ROBO2: variants seen among roughly 807,000 people sequenced by gnomAD.
ROBO2 encodes the protein roundabout homolog 2.
In ROBO2, 53 loss-of-function variants were observed where a neutral mutation model predicts 160.8. The observed-to-expected ratio is 0.33, with a 90% CI of 0.26 to 0.41. The LOEUF is 0.41. ROBO2 is among the 10% of genes least tolerant of loss of function. The pLI, the probability that ROBO2 is intolerant of heterozygous loss-of-function variation, is 1.00. For missense variants in ROBO2, 1,577 were observed against 1,722.4 expected, an observed-to-expected ratio of 0.92 and a Z score of 1.49; for synonymous variants, 664 against 611.7, an observed-to-expected ratio of 1.09 and a Z score of -1.26.
intron 2 of ROBO2, among the ~76,000 whole-genome samples, chr3:76,101,642 C>T (rs1365943526): frequency 1.3e-5 from 2 of 151,928 alleles, no homozygotes; most frequent in Non-Finnish European, 2.9e-5. Flanking sequence ...TGGTGTGCTG[C>T]ACCCATTAAC....
intron 2 of ROBO2, among the ~76,000 whole-genome samples, chr3:76,163,281 C>G (rs2106935096): frequency 6.6e-6 from 1 of 151,862 alleles, no homozygotes; most frequent in East Asian, 1.9e-4. Context: ...ATACTAACTA[C>G]TTGTTCCAAA....
At chr3:76,282,784 G>A (rs548406535) in intron 2 of ROBO2, among the ~76,000 whole-genome samples, 1 of 151,902 alleles carries the variant, frequency 6.6e-6, no homozygotes, top group South Asian at 2.1e-4. Flanking sequence ...CAATCACACT[G>A]CAGATTATTT....
At chr3:77,343,599 T>C (rs2067304956) in intron 2 of ROBO2, among the ~76,000 whole-genome samples, 1 of 152,156 alleles carries the variant, frequency 6.6e-6, no homozygotes, top group South Asian at 2.1e-4. Context: ...GACAACATTG[T>C]ACCCTTTAGG....
intron 1 of ROBO2, among the ~76,000 whole-genome samples, chr3:75,915,795 T>C (rs1239720952): frequency 2.6e-5 from 4 of 152,182 alleles, no homozygotes; most frequent in Non-Finnish European, 5.9e-5. Context: ...AAGGCACCTT[T>C]TGCTACCTCT....
chr3:77,395,326 G>A (rs1030663452), intron 2 of ROBO2, among the ~76,000 whole-genome samples: 1 of 152,146 alleles, frequency 6.6e-6, no homozygotes, highest in Non-Finnish European at 1.5e-5. Flanking sequence ...TCCCGGAGGG[G>A]TGGGGGAACA....
intron 2 of ROBO2, among the ~76,000 whole-genome samples, chr3:76,211,980 C>T (rs1479924043): frequency 6.6e-6 from 1 of 151,644 alleles, no homozygotes. Context: ...AATTTCATAC[C>T]TGATAGATTT....
intron 2 of ROBO2, among the ~76,000 whole-genome samples, chr3:76,820,634 A>G (rs2066042689): frequency 6.6e-6 from 1 of 152,130 alleles, no homozygotes; most frequent in East Asian, 1.9e-4. Flanking sequence ...GAATGAGTTT[A>G]TATCAGGAAA....
intron 2 of ROBO2, among the ~76,000 whole-genome samples, chr3:76,447,870 C>G (rs1282121407): frequency 7.4e-5 from 9 of 122,398 alleles, no homozygotes; most frequent in Admixed American, 1.2e-4. Context: ...GGAAGGGGGA[C>G]ATCACACAGC....
At chr3:76,925,168 G>T (rs543689298) in intron 2 of ROBO2, among the ~76,000 whole-genome samples, 1 of 140,728 alleles carries the variant, frequency 7.1e-6, no homozygotes, top group Admixed American at 7.5e-5. Context: ...CCGAGATCCC[G>T]CCACTGCACT....
At chr3:77,413,799 T>C (rs147041762) in intron 2 of ROBO2, among the ~76,000 whole-genome samples, 173 of 152,252 alleles carry the variant, frequency 1.1e-3, no homozygotes, top group Admixed American at 3.2e-3. Flanking sequence ...CTTACTAAGA[T>C]GGAAAGACTG....
At chr3:76,682,604 C>A (rs1184216702) in intron 2 of ROBO2, among the ~76,000 whole-genome samples, 3 of 152,202 alleles carry the variant, frequency 2.0e-5, no homozygotes, top group African/African-American at 7.2e-5. Flanking sequence ...GACGGGATTT[C>A]ACCATCTTGG....
intron 1 of ROBO2, among the ~76,000 whole-genome samples, chr3:77,064,431 G>A (rs1230315369): frequency 2.1e-5 from 3 of 145,918 alleles, no homozygotes; most frequent in Non-Finnish European, 4.5e-5. Context: ...CACAATCTCA[G>A]CTCACTGAAA....
intron 2 of ROBO2, among the ~76,000 whole-genome samples, chr3:77,026,047 A>G (rs2062943795): frequency 6.6e-6 from 1 of 152,192 alleles, no homozygotes; most frequent in Admixed American, 6.5e-5. Flanking sequence ...AAATACAGCA[A>G]AGTTTATATG....
At chr3:77,266,662 T>C (rs192683013) in intron 2 of ROBO2, among the ~76,000 whole-genome samples, 2 of 152,288 alleles carry the variant, frequency 1.3e-5, no homozygotes, top group Non-Finnish European at 2.9e-5. Flanking sequence ...AAATCCCTGA[T>C]CTACTAATTC....
chr3:76,437,681 C>T (rs2076747253), intron 2 of ROBO2, among the ~76,000 whole-genome samples: 1 of 152,092 alleles, frequency 6.6e-6, no homozygotes, highest in South Asian at 2.1e-4. Flanking sequence ...AAGAGGAAGA[C>T]TGTACAATGT....
At chr3:76,430,467 T>G (rs1003219761) in intron 2 of ROBO2, among the ~76,000 whole-genome samples, 1 of 149,544 alleles carries the variant, frequency 6.7e-6, no homozygotes, top group Non-Finnish European at 1.5e-5. Context: ...TCCTTGTGTT[T>G]TTTTAATCAG....
rs1358489637 is a variant in ROBO2, at chr3:77,164,907, C to T, written c.388+66567C>T. ...GAGGTGGGGGGGTCAGCCCCCCGCC[C>T]GGCCAGCCGCCCCGTCCGGGAGGGA... On this transcript the variant is annotated intron_variant, in intron 2 of 25. Coordinates refer to ENST00000461745, the Ensembl canonical transcript of ROBO2. Among the ~76,000 whole-genome samples, 41 of 105,630 alleles carry T rather than the reference C, an allele frequency of 3.9e-4. 2 individuals are homozygous for T. Among genetic ancestry groups the T allele is most frequent in the African/African-American group, 1.2e-3 (38 of 31,678 alleles). 69.3% of individuals were successfully genotyped at this position (105,630 alleles called of 152,430 possible). A position where few individuals can be genotyped will look rare whatever the true frequency, so the allele number is the denominator to read the frequency against.
chr3:76,115,798 T>C (rs890955446), intron 2 of ROBO2, among the ~76,000 whole-genome samples: 2 of 152,094 alleles, frequency 1.3e-5, no homozygotes, highest in African/African-American at 2.4e-5. Flanking sequence ...TGGACATCTT[T>C]CTGTACCTAA....
At position 76,131,751 on chromosome 3, in the gene ROBO2, C is replaced by G. The variant is rs149425046; in HGVS notation, c.109+194149C>G. Among the ~76,000 whole-genome samples the G allele has an allele frequency of 6.6e-3, 1,003 of 152,158 alleles. 18 individuals carry two copies. Among genetic ancestry groups the G allele is most frequent in the African/African-American group, 0.023 (966 of 41,546 alleles). On this transcript the variant is annotated intron_variant, in intron 2 of 26. Transcript: ENST00000487694. ...TTTTATAACAGTTTTGATATAAAAA[C>G]AAGTGAGCATTTAGCATTCTTCTGA...
Sources: allele counts gnomAD v4.1 joint callset (sites outside exome capture counted in the v4.1 genomes callset), GRCh38; gene constraint gnomAD v4.1.1; transcripts MANE v1.5; gene names NCBI Gene and HGNC (gene_info 2026-07-23, HGNC 2026-07-21).